The following TCAIM variants were observed in gnomAD, a reference collection of about 807,000 sequenced individuals.
TCAIM encodes T cell activation inhibitor, mitochondrial, also known as T-cell activation inhibitor, mitochondrial.
A neutral mutation model predicts 58.6 loss-of-function variants in TCAIM; 36 were observed. The ratio of observed to expected loss-of-function variants is 0.61; its 90% CI spans 0.47 to 0.81. The LOEUF is 0.81. Among genes scored for constraint, TCAIM ranks in the 30% least tolerant of loss-of-function variants. The pLI is 0.00. For missense variants in TCAIM, 466 were observed against 579.6 expected (o/e 0.80, Z 2.01); for synonymous variants, 172 against 193.6 (o/e 0.89, Z 0.93).
At position 44,379,886 on chromosome 3, in the gene TCAIM, T is replaced by C. The variant is rs934798301; in HGVS notation, c.572+12178T>C. ...AAATCTAAAATAAAAGTTAAAATTA[T>C]ATCTAGGGAAGAGAGTGGGAGGAGG... On this transcript the variant is annotated intron_variant, in intron 5 of 10. Coordinates refer to ENST00000342649, the MANE Select transcript of TCAIM (RefSeq NM_173826.4). Among the ~76,000 whole-genome samples, 4 of 152,122 alleles carry C rather than the reference T, an allele frequency of 2.6e-5. No homozygotes were observed. The South Asian group carries it at 8.3e-4, about 32-fold the overall frequency.
At chr3:44,363,214 T>C (rs1244645032) in intron 4 of TCAIM, among the ~76,000 whole-genome samples, 1 of 152,198 alleles carries the variant, frequency 6.6e-6, no homozygotes, top group Non-Finnish European at 1.5e-5. Flanking sequence ...CACAGCAAAT[T>C]AGGGACAGAG....
At chr3:44,405,153 C>T (rs371388875) in intron 10 of TCAIM, among the ~76,000 whole-genome samples, 125 of 152,270 alleles carry the variant, frequency 8.2e-4, no homozygotes, top group Non-Finnish European at 1.4e-3. Flanking sequence ...CACAGTTCTT[C>T]TGTAGGGTGG....
At chr3:44,359,248 C>A in intron 3 of TCAIM, 1 of 245,692 alleles carries the variant, frequency 4.1e-6, no homozygotes, top group Non-Finnish European at 6.5e-6. Flanking sequence ...AAAACTTCTA[C>A]GTGTGGTAAA....
chr3:44,364,300 A>G (rs962365416), intron 4 of TCAIM, among the ~76,000 whole-genome samples: 5 of 152,180 alleles, frequency 3.3e-5, no homozygotes, highest in Non-Finnish European at 5.9e-5. Context: ...GAGAAAAGAT[A>G]TAGCATATAT....
chr3:44,343,918 CTG>C lies in TCAIM; in HGVS notation c.-45+5087_-45+5088del, dbSNP rs1383168494. ...TTCTCAGTAGTAGTTTAGTTATACT[CTG>C]TGATTACAAAGCGATTAGTGGATGA... On this transcript the variant is annotated intron_variant, in intron 1 of 10. Transcript: ENST00000342649. Among the ~76,000 whole-genome samples, 3 of 151,862 alleles carry C rather than the reference CTG, an allele frequency of 2.0e-5. No homozygotes were observed. In the East Asian group the frequency reaches 5.8e-4, roughly 29 times the overall value.
intron 1 of TCAIM, among the ~76,000 whole-genome samples, chr3:44,349,307 C>G (rs767887841): frequency 6.6e-6 from 1 of 152,160 alleles, no homozygotes; most frequent in Non-Finnish European, 1.5e-5. Context: ...TTATCTAGAT[C>G]TTGTAGGATG....
At chr3:44,376,755 T>TA (rs1213584503) in intron 5 of TCAIM, among the ~76,000 whole-genome samples, 1 of 152,168 alleles carries the variant, frequency 6.6e-6, no homozygotes, top group Non-Finnish European at 1.5e-5. Context: ...GTAAATGGAT[T>TA]AAACTTTCCA....
At position 44,409,269 on chromosome 3, in the gene TCAIM, T is replaced by C. The variant is rs1332497005; in HGVS notation, c.*1587T>C. The stretch of plus-strand genomic sequence containing the variant: ...AGTGTAACAAATGTTTCCCATAAGA[T>C]TTTCTAGAGCCAAATAATGGGAGTG... On this transcript the variant is annotated 3_prime_UTR_variant, in exon 11 of 11. Coordinates refer to ENST00000342649, the MANE Select transcript of TCAIM (RefSeq NM_173826.4). The C allele has an allele frequency of 6.6e-6, 1 of 152,196 alleles. No individual in the cohort carries two copies. The highest frequency in any genetic ancestry group is 1.9e-4 in the East Asian group (1 of 5,200). 9.4% of individuals were successfully genotyped at this position (152,196 alleles called of 1,614,324 possible). A position where few individuals can be genotyped will look rare whatever the true frequency, so the allele number is the denominator to read the frequency against.
chr3:44,390,919 C>G (rs1701823634), intron 5 of TCAIM, among the ~76,000 whole-genome samples: 1 of 152,156 alleles, frequency 6.6e-6, no homozygotes, highest in African/African-American at 2.4e-5. Context: ...AAATGATCCC[C>G]TCAGCCCAGA....
chr3:44,343,049 A>G (rs904848177), intron 1 of TCAIM, among the ~76,000 whole-genome samples: 1 of 152,046 alleles, frequency 6.6e-6, no homozygotes, highest in Non-Finnish European at 1.5e-5. Context: ...AGGCACGAGA[A>G]TCGCTTGAAC....
At chr3:44,349,022 A>G (rs1395564704) in intron 1 of TCAIM, among the ~76,000 whole-genome samples, 1 of 152,104 alleles carries the variant, frequency 6.6e-6, no homozygotes, top group African/African-American at 2.4e-5. Context: ...TAGAAGAATT[A>G]TAGGGTTGGG....
intron 5 of TCAIM, among the ~76,000 whole-genome samples, chr3:44,384,968 G>A (rs1298166979): frequency 6.6e-6 from 1 of 152,194 alleles, no homozygotes; most frequent in Non-Finnish European, 1.5e-5. Context: ...ATTTTTGAAA[G>A]ATAGAAAGCA....
At chr3:44,348,780 G>T (rs968947565) in intron 1 of TCAIM, among the ~76,000 whole-genome samples, 9 of 152,152 alleles carry the variant, frequency 5.9e-5, no homozygotes, top group African/African-American at 2.2e-4. Flanking sequence ...GCAGTAAAGC[G>T]TCTAAAGGTT....
chr3:44,352,273 G>A (rs1701108174), intron 1 of TCAIM, among the ~76,000 whole-genome samples: 1 of 151,976 alleles, frequency 6.6e-6, no homozygotes, highest in Non-Finnish European at 1.5e-5. Flanking sequence ...TTTTTTATCT[G>A]ATGGTTATTA....
At chr3:44,356,153 CAT>C (rs1353086165) in intron 2 of TCAIM, among the ~76,000 whole-genome samples, 4 of 152,204 alleles carry the variant, frequency 2.6e-5, no homozygotes, top group Admixed American at 1.3e-4. Context: ...ATTTTAAAAA[CAT>C]AAAACTTTTC....
At chr3:44,367,821 A>G (rs1701405736) in intron 5 of TCAIM, 113 bp downstream of exon 5, 2 of 1,098,114 alleles carry the variant, frequency 1.8e-6, no homozygotes, top group African/African-American at 1.6e-5. Context: ...GTTCACATTT[A>G]AAATTAAAAC....
chr3:44,365,665 AG>A (rs1701363034), intron 4 of TCAIM, among the ~76,000 whole-genome samples: 1 of 152,132 alleles, frequency 6.6e-6, no homozygotes, highest in Admixed American at 6.6e-5. Flanking sequence ...TAGACGGAAA[AG>A]GTCAAAGAAC....
At chr3:44,385,597 G>A (rs1398976657) in intron 5 of TCAIM, among the ~76,000 whole-genome samples, 1 of 152,116 alleles carries the variant, frequency 6.6e-6, no homozygotes, top group African/African-American at 2.4e-5. Flanking sequence ...AAAAAAATTA[G>A]CCGGGAGTGG....
intron 5 of TCAIM, among the ~76,000 whole-genome samples, chr3:44,383,850 C>A (rs943085708): frequency 2.7e-5 from 4 of 148,892 alleles, no homozygotes; most frequent in Non-Finnish European, 4.4e-5. Context: ...ATTAGCCAAG[C>A]TAATTAGCCA....
Sources: allele counts gnomAD v4.1 joint callset (sites outside exome capture counted in the v4.1 genomes callset), GRCh38; gene constraint gnomAD v4.1.1; transcripts MANE v1.5; gene names NCBI Gene and HGNC (gene_info 2026-07-23, HGNC 2026-07-21).